The following ASIC2 variants were observed in gnomAD, a reference collection of about 807,000 sequenced individuals.
The protein encoded by ASIC2 is acid-sensing ion channel 2.
A neutral mutation model predicts 57.3 loss-of-function variants in ASIC2; 25 were observed. The ratio of observed to expected loss-of-function variants is 0.44; its 90% CI spans 0.32 to 0.61. ASIC2 has a LOEUF of 0.61. ASIC2 is among the 20% of genes least tolerant of loss of function. ASIC2 has a pLI of 0.06. For synonymous variants in ASIC2, 319 were observed against 307.5 expected (o/e 1.04, Z -0.39); for missense variants, 641 against 738.1 (o/e 0.87, Z 1.52).
chr17:33,056,004 A>G (rs1231165029), intron 3 of ASIC2, among the ~76,000 whole-genome samples: 4 of 152,218 alleles, frequency 2.6e-5, no homozygotes, highest in Admixed American at 2.6e-4. Context: ...TCCAAGTACT[A>G]GTATTTTTCG....
intron 1 of ASIC2, among the ~76,000 whole-genome samples, chr17:33,136,568 A>G (rs1158415418): frequency 6.6e-6 from 1 of 152,240 alleles, no homozygotes; most frequent in African/African-American, 2.4e-5. Flanking sequence ...CAAACCAGTG[A>G]TAGCTAAAGT....
At chr17:33,657,166 C>T (rs747795676) in intron 1 of ASIC2, among the ~76,000 whole-genome samples, 9 of 152,282 alleles carry the variant, frequency 5.9e-5, no homozygotes, top group East Asian at 1.9e-4. Context: ...TCCTTACGAA[C>T]GACACTTGCT....
At chr17:33,109,099 G>T (rs2092246563) in intron 2 of ASIC2, among the ~76,000 whole-genome samples, 1 of 40,828 alleles carries the variant, frequency 2.4e-5, no homozygotes, top group South Asian at 4.5e-4. Context: ...TGGGGAAAAG[G>T]GTGGGTGTGG....
intron 1 of ASIC2, among the ~76,000 whole-genome samples, chr17:34,023,826 G>C (rs1383268879): frequency 1.3e-5 from 2 of 152,162 alleles, no homozygotes; most frequent in Admixed American, 6.5e-5. Flanking sequence ...CTGCACAAAG[G>C]GTCTAAGACA....
intron 1 of ASIC2, among the ~76,000 whole-genome samples, chr17:33,648,804 C>A (rs1011026908): frequency 2.6e-5 from 4 of 152,186 alleles, no homozygotes; most frequent in African/African-American, 9.6e-5. Context: ...TAGGAAAAGT[C>A]ATGTTTGAAT....
chr17:33,560,035 C>T (rs1448389964), intron 1 of ASIC2, among the ~76,000 whole-genome samples: 2 of 152,166 alleles, frequency 1.3e-5, no homozygotes, highest in Admixed American at 6.5e-5. Flanking sequence ...TGTTACTGTA[C>T]TGCCATTTTT....
Position 34,087,020 on chromosome 17 carries a change from G to T in ASIC2, c.555+68958C>A, listed in dbSNP as rs4283268. On this transcript the variant is annotated intron_variant, in intron 1 of 9. Transcript: ENST00000359872. ...TTTGCCAGTCTGTGTCTTTTAATTG[G>T]AGCATTTAGTCCATTTACATTTAAA... 3.3e-5 allele frequency among the ~76,000 whole-genome samples: 5 copies of T among 151,848 alleles called. No individual in the cohort carries two copies. In the East Asian group the frequency reaches 9.7e-4, roughly 29 times the overall value.
At chr17:33,516,596 G>A (rs1314206881) in intron 1 of ASIC2, among the ~76,000 whole-genome samples, 2 of 152,178 alleles carry the variant, frequency 1.3e-5, no homozygotes, top group Non-Finnish European at 2.9e-5. Flanking sequence ...AATTTTATTA[G>A]TGCTATTAAC....
intron 1 of ASIC2, among the ~76,000 whole-genome samples, chr17:34,020,204 C>G (rs1313513932): frequency 6.6e-6 from 1 of 152,192 alleles, no homozygotes; most frequent in Non-Finnish European, 1.5e-5. Flanking sequence ...GTATTTTGCC[C>G]TGTTTTCCAG....
At chr17:33,705,388 C>A (rs1908833573) in intron 1 of ASIC2, among the ~76,000 whole-genome samples, 1 of 152,146 alleles carries the variant, frequency 6.6e-6, no homozygotes, top group Non-Finnish European at 1.5e-5. Context: ...GATATATCCA[C>A]ATCTCAATCT....
chr17:33,478,033 C>T (rs903020718), intron 1 of ASIC2, among the ~76,000 whole-genome samples: 5 of 152,170 alleles, frequency 3.3e-5, no homozygotes, highest in Admixed American at 6.5e-5. Flanking sequence ...TGATGCTTTT[C>T]CTGATGCCAC....
chr17:33,459,805 T>C (rs994185406), intron 1 of ASIC2, among the ~76,000 whole-genome samples: 10 of 152,216 alleles, frequency 6.6e-5, no homozygotes, highest in Non-Finnish European at 1.2e-4. Context: ...TGGTTTCCCC[T>C]TGCCCTTTCC....
At chr17:33,653,423 A>C (rs1202923965) in intron 1 of ASIC2, among the ~76,000 whole-genome samples, 1 of 152,182 alleles carries the variant, frequency 6.6e-6, no homozygotes, top group Non-Finnish European at 1.5e-5. Context: ...CACATCTAAA[A>C]ATTTTAGGAG....
intron 1 of ASIC2, among the ~76,000 whole-genome samples, chr17:33,428,579 C>A (rs370578189): frequency 6.6e-6 from 1 of 152,142 alleles, no homozygotes; most frequent in Non-Finnish European, 1.5e-5. Context: ...CTAAATTTCC[C>A]TTAGGACACA....
chr17:34,047,554 A>C (rs1908386718), intron 1 of ASIC2, among the ~76,000 whole-genome samples: 1 of 148,558 alleles, frequency 6.7e-6, no homozygotes, highest in Admixed American at 6.7e-5. Flanking sequence ...TATTGATTAC[A>C]CCAATGGGCC....
intron 3 of ASIC2, among the ~76,000 whole-genome samples, chr17:33,075,816 G>A (rs974788862): frequency 2.6e-5 from 4 of 152,160 alleles, no homozygotes; most frequent in Admixed American, 6.5e-5. Context: ...GGAAGTGAAG[G>A]ACCCATTGTC....
intron 1 of ASIC2, among the ~76,000 whole-genome samples, chr17:33,512,742 A>G (rs1190882060): frequency 6.6e-6 from 1 of 152,148 alleles, no homozygotes; most frequent in Non-Finnish European, 1.5e-5. Flanking sequence ...CCAACCTCTT[A>G]TGGTGCAGAC....
chr17:33,755,480 CTCTT>C (rs1347334163), intron 1 of ASIC2, among the ~76,000 whole-genome samples: 1 of 152,222 alleles, frequency 6.6e-6, no homozygotes, highest in African/African-American at 2.4e-5. Context: ...TTCTGAGTCT[CTCTT>C]TGGGATGTCA....
upstream of ASIC2, among the ~76,000 whole-genome samples, chr17:33,293,904 GGTT>G (rs1481239348): frequency 6.6e-6 from 1 of 152,040 alleles, no homozygotes; most frequent in African/African-American, 2.4e-5. Context: ...TGTGGTGTGT[GGTT>G]GGTGTGTTTT....
Sources: gnomAD v4.1 joint callset for allele counts (sites outside exome capture counted in the v4.1 genomes callset) on GRCh38, gnomAD v4.1.1 for gene constraint, MANE v1.5 for transcripts, NCBI Gene and HGNC (gene_info 2026-07-23, HGNC 2026-07-21) for gene names.